The following FRMD4A variants were observed in gnomAD, a reference collection of about 807,000 sequenced individuals.
FRMD4A encodes FERM domain-containing protein 4A.
In FRMD4A, 29 loss-of-function variants were observed where a neutral mutation model predicts 129.1. That is an observed-to-expected ratio of 0.22 (90% CI 0.17 to 0.31). FRMD4A has a LOEUF of 0.31. Ranked by LOEUF, FRMD4A falls within the 10% of genes least tolerant of loss-of-function variation. The probability of loss-of-function intolerance (pLI) is 1.00; values close to 1 mark genes in which losing one functional copy is unlikely to be tolerated. For missense variants in FRMD4A, 1,272 were observed against 1,375.8 expected, an observed-to-expected ratio of 0.92 and a Z score of 1.19; for synonymous variants, 634 against 571.6, an observed-to-expected ratio of 1.11 and a Z score of -1.56.
intron 2 of FRMD4A, among the ~76,000 whole-genome samples, chr10:14,240,287 C>T (rs148733199): frequency 5.4e-4 from 82 of 152,310 alleles, no homozygotes; most frequent in African/African-American, 1.9e-3. Flanking sequence ...TGCTGCATGA[C>T]GGCCATTTAT....
intron 17 of FRMD4A, among the ~76,000 whole-genome samples, chr10:13,669,605 C>T (rs1456729997): frequency 6.6e-6 from 1 of 152,176 alleles, no homozygotes; most frequent in Non-Finnish European, 1.5e-5. Flanking sequence ...AAGTCCTGAC[C>T]TTTTAAGGCC....
chr10:13,660,569 A>G lies in FRMD4A; in HGVS notation c.1661-16T>C. 6.6e-7 allele frequency: 1 copy of G among 1,508,200 alleles called. No individual in the cohort carries two copies. Among genetic ancestry groups the G allele is most frequent in the Non-Finnish European group, 9.2e-7 (1 of 1,092,868 alleles). 93.4% of individuals were successfully genotyped at this position (1,508,200 alleles called of 1,614,324 possible). On this transcript the variant is annotated splice_polypyrimidine_tract_variant and intron_variant, in intron 19 of 24. Coordinates refer to ENST00000357447, the MANE Select transcript of FRMD4A (RefSeq NM_018027.5). ...TGAGAGTCTTCTGCACAAAGACAGG[A>G]AGAGAGGAACTGAGCCCCGGTCATC... is the stretch of plus-strand genomic sequence containing the variant.
chr10:13,696,544 G>A (rs1035091976), intron 14 of FRMD4A, among the ~76,000 whole-genome samples: 2 of 152,196 alleles, frequency 1.3e-5, no homozygotes, highest in African/African-American at 4.8e-5. Context: ...AGGTATTTGA[G>A]AACAGCCTGG....
intron 2 of FRMD4A, among the ~76,000 whole-genome samples, chr10:14,275,370 G>A (rs985772670): frequency 1.3e-5 from 2 of 152,228 alleles, no homozygotes; most frequent in Non-Finnish European, 2.9e-5. Flanking sequence ...TGGTGGAGAT[G>A]GGCAAAACAC....
At chr10:13,874,974 G>A (rs2094474279) in intron 2 of FRMD4A, among the ~76,000 whole-genome samples, 1 of 152,172 alleles carries the variant, frequency 6.6e-6, no homozygotes, top group Non-Finnish European at 1.5e-5. Context: ...AAGATGCTAT[G>A]GGATGGGGAC....
At chr10:13,820,621 C>T (rs943676546) in intron 3 of FRMD4A, among the ~76,000 whole-genome samples, 8 of 152,188 alleles carry the variant, frequency 5.3e-5, no homozygotes, top group Non-Finnish European at 8.8e-5. Flanking sequence ...GGAGGAACCA[C>T]GGTCTCCTCT....
intron 2 of FRMD4A, among the ~76,000 whole-genome samples, chr10:14,181,337 G>T (rs1291966453): frequency 6.6e-6 from 1 of 152,026 alleles, no homozygotes; most frequent in Non-Finnish European, 1.5e-5. Flanking sequence ...TTTGTCAAGA[G>T]GGAGAAGAAA....
intron 2 of FRMD4A, among the ~76,000 whole-genome samples, chr10:13,927,262 GA>G (rs947768696): frequency 3.7e-4 from 49 of 133,350 alleles, no homozygotes; most frequent in African/African-American, 1.2e-3. Flanking sequence ...CAAAAAAAAA[GA>G]AAAAAAAAAT....
At chr10:13,798,632 G>A (rs925448092) in intron 4 of FRMD4A, among the ~76,000 whole-genome samples, 3 of 152,216 alleles carry the variant, frequency 2.0e-5, no homozygotes, top group African/African-American at 7.2e-5. Context: ...CAGGAGAATG[G>A]CATGAACCTG....
At chr10:13,881,531 T>C (rs2094546413) in intron 2 of FRMD4A, among the ~76,000 whole-genome samples, 1 of 152,126 alleles carries the variant, frequency 6.6e-6, no homozygotes. Flanking sequence ...AGAGAAGAGC[T>C]GACCATAGGT....
At chr10:13,822,292 A>G (rs1345685721) in intron 3 of FRMD4A, among the ~76,000 whole-genome samples, 2 of 152,244 alleles carry the variant, frequency 1.3e-5, no homozygotes, top group Admixed American at 6.5e-5. Context: ...CACGATGTAC[A>G]ATAGATCTCC....
At chr10:14,225,133 A>C (rs1843393431) in intron 2 of FRMD4A, among the ~76,000 whole-genome samples, 1 of 152,246 alleles carries the variant, frequency 6.6e-6, no homozygotes, top group South Asian at 2.1e-4. Flanking sequence ...GGTGGCGGTA[A>C]GTTAATAATA....
chr10:14,162,630 G>GTTTT (rs556368229), intron 2 of FRMD4A, among the ~76,000 whole-genome samples: 6 of 117,304 alleles, frequency 5.1e-5, no homozygotes, highest in African/African-American at 1.8e-4. Flanking sequence ...GAGTTTCTCT[G>GTTTT]TTTTTTTTTT....
intron 2 of FRMD4A, among the ~76,000 whole-genome samples, chr10:13,944,532 C>A (rs990196141): frequency 6.6e-6 from 1 of 152,188 alleles, no homozygotes; most frequent in Non-Finnish European, 1.5e-5. Flanking sequence ...CTGAAACCAT[C>A]CCCCAACCTC....
At position 13,978,934 on chromosome 10, in the gene FRMD4A, T is replaced by A. The variant is rs571677062; in HGVS notation, c.46-120022A>T. Among the ~76,000 whole-genome samples the A allele has an allele frequency of 9.9e-4, 151 of 152,248 alleles. 1 individual carries two copies. The Middle Eastern group carries it at 0.017, about 17-fold the overall frequency. On this transcript the variant is annotated intron_variant, in intron 2 of 24. Coordinates refer to ENST00000357447, the MANE Select transcript of FRMD4A (RefSeq NM_018027.5). ...CAAGCTCCACCCATGATTATACAAG[T>A]GATCCTATGGCCATAAAAGTGATGT...
chr10:14,292,763 G>A (rs1209091758), intron 2 of FRMD4A, among the ~76,000 whole-genome samples: 1 of 152,038 alleles, frequency 6.6e-6, no homozygotes, highest in Admixed American at 6.6e-5. Flanking sequence ...TCACACCACT[G>A]CACTCTAGCC....
chr10:13,851,715 C>T (rs956069215), intron 3 of FRMD4A, among the ~76,000 whole-genome samples: 1 of 151,990 alleles, frequency 6.6e-6, no homozygotes, highest in Admixed American at 6.6e-5. Context: ...TCCTGGCCAA[C>T]ATGGTGAAAC....
At chr10:13,726,946 C>T (rs1238092977) in intron 12 of FRMD4A, among the ~76,000 whole-genome samples, 1 of 152,016 alleles carries the variant, frequency 6.6e-6, no homozygotes, top group Non-Finnish European at 1.5e-5. Flanking sequence ...CTCTGTCGCC[C>T]AGGCTGGAGT....
intron 6 of FRMD4A, among the ~76,000 whole-genome samples, chr10:13,768,621 T>C (rs987413787): frequency 1.3e-5 from 2 of 152,224 alleles, no homozygotes; most frequent in African/African-American, 4.8e-5. Flanking sequence ...TCACCACGTT[T>C]ATTCTTACCC....
Sources: gnomAD v4.1 joint callset for allele counts (sites outside exome capture counted in the v4.1 genomes callset) on GRCh38, gnomAD v4.1.1 for gene constraint, MANE v1.5 for transcripts, NCBI Gene and HGNC (gene_info 2026-07-23, HGNC 2026-07-21) for gene names.